CDH18: variants seen among roughly 807,000 people sequenced by gnomAD.
The protein encoded by CDH18 is cadherin 18, also known as cadherin-18.
CDH18 carries 31 observed loss-of-function variants against 67.9 expected under a neutral mutation model. That is an observed-to-expected ratio of 0.46 (90% CI 0.34 to 0.62). The LOEUF (loss-of-function observed/expected upper bound fraction) is 0.62, where lower values mean the gene tolerates loss of function less well. Ranked by LOEUF, CDH18 falls within the 20% of genes least tolerant of loss-of-function variation. The pLI is 0.01. For synonymous variants in CDH18, 362 were observed against 347.2 expected, an observed-to-expected ratio of 1.04 and a Z score of -0.48; for missense variants, 890 against 975.5, an observed-to-expected ratio of 0.91 and a Z score of 1.17.
chr5:20,371,036 C>CAAAAAAAAAAAAAA (rs879271018), intron 1 of CDH18, among the ~76,000 whole-genome samples: 2 of 129,206 alleles, frequency 1.5e-5, no homozygotes. Context: ...GACTCTGTCT[C>CAAAAAAAAAAAAAA]AAAAAAAAAA....
intron 2 of CDH18, among the ~76,000 whole-genome samples, chr5:20,079,309 TATG>T (rs1460327700): frequency 6.6e-6 from 1 of 152,174 alleles, no homozygotes; most frequent in Admixed American, 6.5e-5. Context: ...AATGAGACCA[TATG>T]ATATTTGTCT....
chr5:19,556,024 A>G (rs1738350906), intron 8 of CDH18, among the ~76,000 whole-genome samples: 2 of 152,124 alleles, frequency 1.3e-5, no homozygotes, highest in Non-Finnish European at 2.9e-5. Context: ...AGGAGAAATA[A>G]CAATAATTGA....
chr5:19,755,574 G>GGATATATATAATATAA (rs1203054877), intron 3 of CDH18, among the ~76,000 whole-genome samples: 1 of 141,574 alleles, frequency 7.1e-6, no homozygotes, highest in Non-Finnish European at 1.5e-5. Context: ...ATAAAATATA[G>GGATATATATAATATAA]GATATATATA....
At chr5:19,741,330 T>TCACACACACACACA (rs60803879) in intron 4 of CDH18, among the ~76,000 whole-genome samples, 1 of 145,658 alleles carries the variant, frequency 6.9e-6, no homozygotes, top group African/African-American at 2.6e-5. Flanking sequence ...TATACATGTC[T>TCACACACACACACA]CACACACACA....
chr5:20,534,369 C>A (rs1756589818), intron 1 of CDH18, among the ~76,000 whole-genome samples: 1 of 151,730 alleles, frequency 6.6e-6, no homozygotes, highest in Non-Finnish European at 1.5e-5. Flanking sequence ...CTTGATATTG[C>A]ACAAAAAGAA....
chr5:19,599,842 G>A (rs567245227), intron 6 of CDH18, among the ~76,000 whole-genome samples: 1 of 152,154 alleles, frequency 6.6e-6, no homozygotes, highest in African/African-American at 2.4e-5. Context: ...AGCCGAGATC[G>A]CACCACTGCA....
intron 5 of CDH18, among the ~76,000 whole-genome samples, chr5:19,688,702 A>T (rs1467867001): frequency 6.6e-6 from 1 of 152,164 alleles, no homozygotes; most frequent in Non-Finnish European, 1.5e-5. Flanking sequence ...TAAAAAAAGT[A>T]TGAAATGCCA....
chr5:19,967,875 C>A, intron 2 of CDH18, among the ~76,000 whole-genome samples: 1 of 152,036 alleles, frequency 6.6e-6, no homozygotes, highest in African/African-American at 2.4e-5. Context: ...AAAGGGTTTT[C>A]AATTAGGAAA....
At chr5:20,356,068 T>A (rs1169890195) in intron 1 of CDH18, among the ~76,000 whole-genome samples, 1 of 152,196 alleles carries the variant, frequency 6.6e-6, no homozygotes, top group Non-Finnish European at 1.5e-5. Flanking sequence ...TAAAATTTGT[T>A]TTAAAACCCA....
intron 1 of CDH18, among the ~76,000 whole-genome samples, chr5:20,341,998 T>C (rs1740303918): frequency 6.6e-6 from 1 of 152,194 alleles, no homozygotes; most frequent in Non-Finnish European, 1.5e-5. Context: ...TCAGTGATTC[T>C]GTCTCCTCGC....
At chr5:19,679,801 C>A (rs541870299) in intron 5 of CDH18, among the ~76,000 whole-genome samples, 210 of 151,886 alleles carry the variant, frequency 1.4e-3, no homozygotes, top group Non-Finnish European at 1.8e-3. Flanking sequence ...ATGACACAAA[C>A]AAATGGAAAA....
At chr5:20,391,799 A>G (rs1744883859) in intron 1 of CDH18, among the ~76,000 whole-genome samples, 1 of 152,000 alleles carries the variant, frequency 6.6e-6, no homozygotes, top group African/African-American at 2.4e-5. Context: ...GAATTTATAA[A>G]TTTTCCATAA....
chr5:19,506,903 T>C (rs1179035115), intron 10 of CDH18, among the ~76,000 whole-genome samples: 1 of 152,046 alleles, frequency 6.6e-6, no homozygotes, highest in Non-Finnish European at 1.5e-5. Context: ...AATTGACAAA[T>C]GGGATCTAAT....
intron 1 of CDH18, among the ~76,000 whole-genome samples, chr5:20,299,746 A>G (rs1377534912): frequency 9.3e-6 from 1 of 107,574 alleles, no homozygotes. Flanking sequence ...TGACAGAGCA[A>G]GGCTCTGTCT....
chr5:20,215,109 T>C (rs1580497220), intron 2 of CDH18, among the ~76,000 whole-genome samples: 1 of 151,916 alleles, frequency 6.6e-6, no homozygotes, highest in Non-Finnish European at 1.5e-5. Context: ...CTGAACATAG[T>C]AGAAATGCAA....
intron 6 of CDH18, among the ~76,000 whole-genome samples, chr5:19,596,404 C>T (rs1746168235): frequency 6.6e-6 from 1 of 152,126 alleles, no homozygotes; most frequent in Non-Finnish European, 1.5e-5. Context: ...TATTTTGAGA[C>T]AGAGACTAGA....
chr5:19,956,743 A>G (rs7724244), intron 2 of CDH18, among the ~76,000 whole-genome samples: 7,689 of 151,888 alleles, frequency 0.051, 665 homozygotes, highest in African/African-American at 0.17. Context: ...GTATTATAGA[A>G]TATTTGTGAT....
intron 1 of CDH18, among the ~76,000 whole-genome samples, chr5:20,435,676 A>C (rs949331067): frequency 2.0e-5 from 3 of 152,074 alleles, no homozygotes; most frequent in Non-Finnish European, 4.4e-5. Flanking sequence ...TCATGAGAAG[A>C]AAATAGCTTA....
At chr5:20,030,211 T>C (rs1739273596) in intron 2 of CDH18, among the ~76,000 whole-genome samples, 2 of 152,198 alleles carry the variant, frequency 1.3e-5, no homozygotes, top group South Asian at 2.1e-4. Context: ...ATGTAGTTAA[T>C]AGCTAAAAGC....
Sources: gnomAD v4.1 joint callset for allele counts (sites outside exome capture counted in the v4.1 genomes callset) on GRCh38, gnomAD v4.1.1 for gene constraint, MANE v1.5 for transcripts, NCBI Gene and HGNC (gene_info 2026-07-23, HGNC 2026-07-21) for gene names.